Variants in GLI4 observed in about 807,000 individuals in gnomAD.
GLI4 encodes zinc finger protein GLI4.
GLI4 carries 34 observed loss-of-function variants against 30.9 expected under a neutral mutation model. The observed-to-expected ratio is 1.10, with a 90% CI of 0.84 to 1.47. The LOEUF (loss-of-function observed/expected upper bound fraction) is 1.47. Among genes scored for constraint, GLI4 ranks in the 40% most tolerant of loss-of-function variants. GLI4 has a pLI of 0.00. For synonymous variants in GLI4, 277 were observed against 236.7 expected, an observed-to-expected ratio of 1.17 and a Z score of -1.56; for missense variants, 696 against 538.9, an observed-to-expected ratio of 1.29 and a Z score of -2.89.
intron 2 of GLI4, among the ~76,000 whole-genome samples, chr8:143,270,911 G>T (rs73378223): frequency 6.6e-5 from 10 of 152,274 alleles, no homozygotes; most frequent in Admixed American, 5.2e-4. Flanking sequence ...AGAAACTGAC[G>T]CCCAGGTGGA....
rs1276266504 is a variant in GLI4, at chr8:143,276,212, C to T, written c.539C>T (p.Ala180Val). Reference sequence around the variant, plus strand: ...AGCCGGCAGGGCAGCGCGCGGGGGGCCAAGCCGCACAGGTGCGAGGCCTGC... The same window carrying T: ...AGCCGGCAGGGCAGCGCGCGGGGGGTCAAGCCGCACAGGTGCGAGGCCTGC... ...GRSRQGSARG[A>V]KPHRCEACGK... Residue 180 changes from alanine to valine, a missense_variant, in exon 4 of 4, where the codon GCC becomes GTC. Physicochemically the swap from Ala to Val is moderately conservative, Grantham distance 64. Transcript: ENST00000340042. 6.3e-7 allele frequency: 1 copy of T among 1,583,120 alleles called. No individual in the cohort carries two copies. The highest frequency in any genetic ancestry group is 1.7e-4 in the Middle Eastern group (1 of 5,892).
In GLI4 at chr8:143,274,742, T is replaced by G; in HGVS notation, c.163T>G (p.Ser55Ala). The change falls in exon 3 of 4, where the codon TCC (serine) becomes GCC (alanine). Residue 55 changes from serine to alanine, a missense_variant. Coordinates refer to ENST00000340042, the MANE Select transcript of GLI4 (RefSeq NM_138465.4). ...CAGCCCTAAGGTGCTCTCCCAGCCG[T>G]CCGACCTGGATCTCCAAGACGTAGA... ...GSSPKVLSQP[S>A]DLDLQDVEEV... is the part of the protein sequence containing the mutation. 1.3e-6 allele frequency: 2 copies of G among 1,569,532 alleles called. No individual in the cohort carries two copies. The highest frequency in any genetic ancestry group is 2.3e-5 in the South Asian group (2 of 85,986).
At position 143,276,330 on chromosome 8, in the gene GLI4, C is replaced by A. The variant is rs1815387188; in HGVS notation, c.657C>A (p.Arg219=). Residue 219 remains arginine (R), a synonymous_variant, in exon 4 of 4, where the codon CGC becomes CGA. Coordinates refer to ENST00000340042, the MANE Select transcript of GLI4 (RefSeq NM_138465.4). ...ACGCCTGCCACGAGTGCGGCAAGCG[C>A]TTCCGCGGCTGGTCGGGCTTCATCC... ...KPYACHECGK[R]FRGWSGFIQH... is the part of the protein sequence containing the mutation. 6.2e-7 allele frequency: 1 copy of A among 1,611,624 alleles called. No homozygotes were observed. Among genetic ancestry groups the A allele is most frequent in the African/African-American group, 1.3e-5 (1 of 74,870 alleles).
rs1586730929 is a variant in GLI4, at chr8:143,276,896, C to T, written c.*92C>T. The stretch of plus-strand genomic sequence containing the variant: ...GTGGGCACTGCCCAGCACCGCATGC[C>T]ACGTGTCCGGAATAAATTCTTTTTG... On this transcript the variant is annotated 3_prime_UTR_variant, in exon 4 of 4. Coordinates refer to ENST00000340042, the MANE Select transcript of GLI4 (RefSeq NM_138465.4). 2.6e-6 allele frequency: 2 copies of T among 781,118 alleles called. No homozygotes were observed. The highest frequency in any genetic ancestry group is 1.7e-5 in the African/African-American group (1 of 57,276). 48.4% of individuals were successfully genotyped at this position (781,118 alleles called of 1,614,324 possible). A position where few individuals can be genotyped will look rare whatever the true frequency, so the allele number is the denominator to read the frequency against.
In GLI4 at chr8:143,276,549, G is replaced by A. The variant is rs749639287; in HGVS notation, c.876G>A (p.Glu292=). ...GCCACCAGCGGCTGCACACGGGTGA[G>A]AAGCCCTACGCCTGCAGCCAGTGCG... The part of the protein sequence containing the change: ...LVRHQRLHTG[E]KPYACSQCGK... Residue 292 remains glutamate, a synonymous_variant, in exon 4 of 4, where the codon GAG becomes GAA. Transcript: ENST00000340042. The A allele has an allele frequency of 4.3e-6, 7 of 1,612,358 alleles. No homozygotes were observed.
At chr8:143,268,040 T>C in intron 1 of GLI4, 1 of 985,384 alleles carries the variant, frequency 1.0e-6, no homozygotes, top group Non-Finnish European at 1.2e-6. Flanking sequence ...CTCTGCTCAG[T>C]CCTGGGGGCC....
intron 1 of GLI4, chr8:143,267,997 G>A: frequency 6.1e-6 from 6 of 985,448 alleles, no homozygotes; most frequent in Non-Finnish European, 7.2e-6. Flanking sequence ...TGCGTCCCTG[G>A]GGGTGAAGGG....
At chr8:143,275,423 A>G in intron 3 of GLI4, 1 of 1,382,066 alleles carries the variant, frequency 7.2e-7, no homozygotes, top group Non-Finnish European at 9.3e-7. Flanking sequence ...TGGGGTGGGC[A>G]TGGGAGCTGG....
chr8:143,271,159 C>T (rs945952219), intron 2 of GLI4, among the ~76,000 whole-genome samples: 7 of 152,196 alleles, frequency 4.6e-5, no homozygotes, highest in African/African-American at 1.2e-4. Context: ...CAGCTTCTGC[C>T]GTCTCCTTGC....
Position 143,275,474 on chromosome 8 carries a change from G to A in GLI4, c.224-423G>A, listed in dbSNP as rs1815363196. 2.9e-6 allele frequency: 4 copies of A among 1,356,928 alleles called. No individual in the cohort carries two copies. The South Asian group carries it at 6.0e-5, about 20-fold the overall frequency. The allele number at this position is 1,356,928 out of a possible 1,614,324, so 84.1% of individuals were successfully genotyped here. A position where few individuals can be genotyped will look rare whatever the true frequency, so the allele number is the denominator to read the frequency against. ...CCACCGAGGCCTGGGGCAGCCCCAT[G>A]AGGAGCTGTGCCCATATGGACCACA... On this transcript the variant is annotated intron_variant, in intron 3 of 3. Coordinates refer to ENST00000340042, the MANE Select transcript of GLI4 (RefSeq NM_138465.4).
At chr8:143,268,836 C>T (rs1311257872) in intron 1 of GLI4, among the ~76,000 whole-genome samples, 4 of 18,532 alleles carry the variant, frequency 2.2e-4, no homozygotes, top group East Asian at 1.7e-3. Flanking sequence ...GGCGTTACTC[C>T]TTTGCTGCTG....
chr8:143,271,605 A>T (rs897563959), intron 2 of GLI4, among the ~76,000 whole-genome samples: 1 of 152,126 alleles, frequency 6.6e-6, no homozygotes, highest in Non-Finnish European at 1.5e-5. Context: ...TCCCAGAAAG[A>T]AGTTTGCAGT....
In GLI4 at chr8:143,270,975, G is replaced by T. The variant is rs370112010; in HGVS notation, c.124+1455G>T. 7.2e-5 allele frequency among the ~76,000 whole-genome samples: 11 copies of T among 151,880 alleles called. 1 individual carries two copies. In the East Asian group the frequency reaches 1.6e-3, roughly 22 times the overall value. ...GGGGCCAGGCCCCCTGAGCCTGCAGGGTTGCGCTACCCCCAGCCCTGTCTC... is the reference window on the plus strand; with the variant it reads ...GGGGCCAGGCCCCCTGAGCCTGCAGTGTTGCGCTACCCCCAGCCCTGTCTC... On this transcript the variant is annotated intron_variant, in intron 2 of 3. Coordinates refer to ENST00000340042, the MANE Select transcript of GLI4 (RefSeq NM_138465.4).
At chr8:143,268,132 A>G in intron 1 of GLI4, 1 of 973,300 alleles carries the variant, frequency 1.0e-6, no homozygotes, top group Non-Finnish European at 1.2e-6. Flanking sequence ...ATGTGACTTC[A>G]GGGTGGAGGA....
rs888984941 is a variant in GLI4, at chr8:143,276,926, T to A, written c.*122T>A. The A allele has an allele frequency of 1.0e-4, 74 of 712,554 alleles. No individual in the cohort carries two copies. In the African/African-American group the frequency reaches 1.2e-3, roughly 12 times the overall value. 44.1% of individuals were successfully genotyped at this position (712,554 alleles called of 1,614,324 possible). A position where few individuals can be genotyped will look rare whatever the true frequency, so the allele number is the denominator to read the frequency against. On this transcript the variant is annotated 3_prime_UTR_variant, in exon 4 of 4. Transcript: ENST00000340042. Reference sequence around the variant, plus strand: ...GTCCGGAATAAATTCTTTTTGATTGTTGGAAGTGGGAGCCGGCACCTGCCT... The same window carrying A: ...GTCCGGAATAAATTCTTTTTGATTGATGGAAGTGGGAGCCGGCACCTGCCT...
At chr8:143,273,360 G>C (rs1815310592) in intron 2 of GLI4, 1 of 152,256 alleles carries the variant, frequency 6.6e-6, no homozygotes, top group South Asian at 2.1e-4. Flanking sequence ...AGCAGTTCTG[G>C]ACCCTCGGCT....
At chr8:143,267,945 G>T in intron 1 of GLI4, 2 of 985,456 alleles carry the variant, frequency 2.0e-6, no homozygotes, top group Non-Finnish European at 2.4e-6. Context: ...CGAGCCGCTG[G>T]CAGGAGTGCC....
rs1474996083 is a variant in GLI4, at chr8:143,267,521, C to G, written c.-38+37C>G. 4 of 986,380 alleles carry G rather than the reference C, an allele frequency of 4.1e-6. No individual in the cohort carries two copies. The South Asian group carries it at 1.8e-4, about 46-fold the overall frequency. The allele number at this position is 986,380 out of a possible 1,614,324, so 61.1% of individuals were successfully genotyped here. A position where few individuals can be genotyped will look rare whatever the true frequency, so the allele number is the denominator to read the frequency against. On this transcript the variant is annotated intron_variant, in intron 1 of 3. Coordinates refer to ENST00000340042, the MANE Select transcript of GLI4 (RefSeq NM_138465.4). ...CGGGCGGCGGCGGCGGCTCCGGGTG[C>G]CTGGGACCAGCCCAGTCCGAGCTCG...
intron 2 of GLI4, chr8:143,273,401 C>T (rs575955905): frequency 1.4e-4 from 22 of 152,466 alleles, no homozygotes; most frequent in African/African-American, 4.8e-4. Context: ...CAGCCGCCCC[C>T]ACCTGCTGAA....
Sources: allele counts gnomAD v4.1 joint callset (sites outside exome capture counted in the v4.1 genomes callset), GRCh38; gene constraint gnomAD v4.1.1; transcripts MANE v1.5; gene names NCBI Gene and HGNC (gene_info 2026-07-23, HGNC 2026-07-21).